The following TENM2 variants were observed in gnomAD, a reference collection of about 807,000 sequenced individuals.
The protein encoded by TENM2 is teneurin transmembrane protein 2.
A neutral mutation model predicts 245.2 loss-of-function variants in TENM2; 52 were observed. The ratio of observed to expected loss-of-function variants is 0.21; its 90% CI spans 0.17 to 0.27. TENM2 has a LOEUF of 0.27. TENM2 is among the 10% of genes least tolerant of loss of function. The pLI is 1.00. For missense variants in TENM2, 3,046 were observed against 3,666.8 expected (o/e 0.83, Z 4.37); for synonymous variants, 1,363 against 1,438.9 (o/e 0.95, Z 1.19).
chr5:167,062,658 G>A, the TENM2 span, among the ~76,000 whole-genome samples: 1 of 152,172 alleles, frequency 6.6e-6, no homozygotes, highest in African/African-American at 2.4e-5. Flanking sequence ...AGGTGAACAC[G>A]ACAGGCAAGG....
intron 2 of TENM2, among the ~76,000 whole-genome samples, chr5:167,698,448 A>G (rs1757913969): frequency 6.6e-6 from 1 of 152,158 alleles, no homozygotes; most frequent in African/African-American, 2.4e-5. Flanking sequence ...ACTGTCATCC[A>G]TAATGGTCTC....
the TENM2 span, among the ~76,000 whole-genome samples, chr5:167,219,841 C>T: frequency 2.2e-4 from 33 of 152,178 alleles, no homozygotes; most frequent in Non-Finnish European, 3.4e-4. Flanking sequence ...TTGCCTGAAA[C>T]GCTTTCAACA....
At chr5:168,032,290 T>G (rs867686234) in intron 5 of TENM2, among the ~76,000 whole-genome samples, 5 of 152,258 alleles carry the variant, frequency 3.3e-5, no homozygotes, top group African/African-American at 1.2e-4. Flanking sequence ...CAGTAAGCAC[T>G]ATATTCGTGT....
At chr5:167,704,411 C>T (rs1482845245) in intron 2 of TENM2, among the ~76,000 whole-genome samples, 3 of 152,160 alleles carry the variant, frequency 2.0e-5, no homozygotes, top group African/African-American at 7.2e-5. Flanking sequence ...CCTACTCATT[C>T]ATTTAATACA....
chr5:168,093,499 G>T (rs964594879), intron 8 of TENM2, among the ~76,000 whole-genome samples: 2 of 152,226 alleles, frequency 1.3e-5, no homozygotes, highest in East Asian at 3.8e-4. Context: ...GAGCAGCCAG[G>T]AGTGCTGTAA....
intron 2 of TENM2, among the ~76,000 whole-genome samples, chr5:167,783,063 G>A (rs1764305098): frequency 6.6e-6 from 1 of 152,160 alleles, no homozygotes; most frequent in African/African-American, 2.4e-5. Context: ...TAAAAGTGGG[G>A]AAGGGGTTGC....
chr5:167,927,279 C>A (rs1184024953), intron 3 of TENM2, among the ~76,000 whole-genome samples: 4 of 152,172 alleles, frequency 2.6e-5, no homozygotes, highest in Non-Finnish European at 4.4e-5. Context: ...TCTACTTCTT[C>A]CCAATGTTTT....
intron 2 of TENM2, among the ~76,000 whole-genome samples, chr5:167,459,930 ACACACG>A (rs1476443753): frequency 6.6e-6 from 1 of 151,616 alleles, no homozygotes; most frequent in African/African-American, 2.4e-5. Flanking sequence ...ACACACACAC[ACACACG>A]CACACACACA....
chr5:168,248,494 C>A, intron 27 of TENM2, 123 bp downstream of exon 29: 2 of 971,746 alleles, frequency 2.1e-6, no homozygotes, highest in South Asian at 1.7e-5. Flanking sequence ...AAAGCCCAGG[C>A]AGTGCAGTTG....
chr5:167,425,470 A>G (rs936783232), intron 2 of TENM2, among the ~76,000 whole-genome samples: 1 of 152,170 alleles, frequency 6.6e-6, no homozygotes, highest in African/African-American at 2.4e-5. Context: ...TGTGCCAGGT[A>G]CTATCCAAAT....
chr5:168,239,468 C>G (rs150122675), intron 25 of TENM2, among the ~76,000 whole-genome samples: 267 of 152,254 alleles, frequency 1.8e-3, no homozygotes, highest in African/African-American at 6.3e-3. Flanking sequence ...AGTTGGTGCA[C>G]CTGGGTCAAT....
the TENM2 span, among the ~76,000 whole-genome samples, chr5:167,018,855 C>A: frequency 1.3e-5 from 2 of 152,220 alleles, no homozygotes; most frequent in Non-Finnish European, 2.9e-5. Context: ...GTTCTTGCAG[C>A]TTCAATTCTC....
intron 1 of TENM2, among the ~76,000 whole-genome samples, chr5:167,313,368 C>T (rs1006293982): frequency 2.0e-5 from 3 of 152,088 alleles, no homozygotes; most frequent in South Asian, 2.1e-4. Flanking sequence ...GGGCCAGGAG[C>T]GGTGGCTCAC....
intron 2 of TENM2, among the ~76,000 whole-genome samples, chr5:167,758,084 C>T (rs934178485): frequency 5.9e-5 from 9 of 152,066 alleles, no homozygotes; most frequent in Admixed American, 5.9e-4. Flanking sequence ...GTCTTTTATA[C>T]TTTCCTTTTT....
At chr5:168,165,710 T>C (rs1238589951) in intron 13 of TENM2, 2 of 117,230 alleles carry the variant, frequency 1.7e-5, no homozygotes, top group East Asian at 5.7e-4. Context: ...CAAAAGCAAA[T>C]GAGGCAGTGG....
chr5:167,102,023 C>T, the TENM2 span, among the ~76,000 whole-genome samples: 12 of 144,500 alleles, frequency 8.3e-5, no homozygotes, highest in African/African-American at 3.1e-4. Flanking sequence ...GTCAGGAGTT[C>T]AAGACCAGCC....
At position 168,036,271 on chromosome 5, in the gene TENM2, G is replaced by A. The variant is rs550977542; in HGVS notation, c.1187-11156G>A. ...CACAACAGTCTGCAGTGCTGTTGCC[G>A]GTTGACAGAATCATGTGCCTTTAGC... On this transcript the variant is annotated intron_variant, in intron 5 of 28. Transcript: ENST00000518659. Among the ~76,000 whole-genome samples, 163 of 152,298 alleles carry A rather than the reference G, an allele frequency of 1.1e-3. 1 individual carries two copies. Among genetic ancestry groups the A allele is most frequent in the Non-Finnish European group, 6.0e-4 (41 of 68,012 alleles).
intron 2 of TENM2, among the ~76,000 whole-genome samples, chr5:167,724,770 T>C (rs1759873388): frequency 6.6e-6 from 1 of 151,964 alleles, no homozygotes; most frequent in South Asian, 2.1e-4. Flanking sequence ...AGGGTAAAAG[T>C]AAAGTTCAAA....
the TENM2 span, among the ~76,000 whole-genome samples, chr5:167,276,721 G>C: frequency 2.6e-5 from 4 of 151,924 alleles, no homozygotes; most frequent in African/African-American, 9.7e-5. Context: ...ATCATCTCTA[G>C]ATTACTTATA....
Sources: allele counts gnomAD v4.1 joint callset (sites outside exome capture counted in the v4.1 genomes callset), GRCh38; gene constraint gnomAD v4.1.1; transcripts MANE v1.5; gene names NCBI Gene and HGNC (gene_info 2026-07-23, HGNC 2026-07-21).